The following FOXO1 variants were observed in gnomAD, a reference collection of about 807,000 sequenced individuals.
FOXO1 encodes the protein forkhead box protein O1.
FOXO1 carries 6 observed loss-of-function variants against 44.1 expected under a neutral mutation model. The observed-to-expected ratio is 0.14, with a 90% confidence interval of 0.07 to 0.27. The LOEUF is 0.27. Among genes scored for constraint, FOXO1 ranks in the 10% least tolerant of loss-of-function variants. FOXO1 has a pLI of 1.00. For synonymous variants in FOXO1, 380 were observed against 362.7 expected, an observed-to-expected ratio of 1.05 and a Z score of -0.54; for missense variants, 737 against 888.8, an observed-to-expected ratio of 0.83 and a Z score of 2.17.
chr13:40,639,030 C>A (rs1434232474), intron 1 of FOXO1, among the ~76,000 whole-genome samples: 1 of 152,122 alleles, frequency 6.6e-6, no homozygotes, highest in African/African-American at 2.4e-5. Context: ...CCCGTCTCTA[C>A]TAAAAATACA....
At chr13:40,582,008 A>G (rs926041521) in intron 1 of FOXO1, among the ~76,000 whole-genome samples, 1 of 152,184 alleles carries the variant, frequency 6.6e-6, no homozygotes, top group Non-Finnish European at 1.5e-5. Context: ...TTTATAGCTA[A>G]AACAGAGAGG....
chr13:40,630,789 C>A (rs143108146), intron 1 of FOXO1, among the ~76,000 whole-genome samples: 1 of 152,318 alleles, frequency 6.6e-6, no homozygotes, highest in Admixed American at 6.5e-5. Flanking sequence ...CTCAACACCA[C>A]TCTGTCATTT....
chr13:40,559,954 G>T lies in FOXO1; in HGVS notation c.1537C>A (p.His513Asn), dbSNP rs760979256. The change falls in exon 2 of 3, where the codon CAT becomes AAT. Residue 513 changes from histidine (H) to asparagine (N), a missense_variant. By Grantham distance (68) the His-to-Asn change is moderately conservative (BLOSUM62 1). This residue lies in a region of FOXO1 where 283 missense variants were observed against 278.1 expected (regional missense o/e 1.02). Transcript: ENST00000379561. ...GAGCTGGGATTCATCATTTTGTTAT[G>T]AGATGCCTGGCTGCCATAGGTTGAC... ...VMSTYGSQAS[H>N]NKMMNPSSHT... is the part of the protein sequence containing the mutation. 6.2e-7 allele frequency: 1 copy of T among 1,614,158 alleles called. No individual in the cohort carries two copies.
chr13:40,655,519 G>A (rs899382798), intron 1 of FOXO1, among the ~76,000 whole-genome samples: 5 of 151,970 alleles, frequency 3.3e-5, no homozygotes, highest in East Asian at 1.9e-4. Context: ...AAAACCTCAC[G>A]GTAGTGGGCT....
At chr13:40,571,412 G>A (rs183494181) in intron 1 of FOXO1, among the ~76,000 whole-genome samples, 261 of 152,240 alleles carry the variant, frequency 1.7e-3, no homozygotes, top group African/African-American at 5.8e-3. Context: ...GGCTACCAAG[G>A]ATTTCAAAGT....
At chr13:40,610,333 A>G (rs1876185586) in intron 1 of FOXO1, among the ~76,000 whole-genome samples, 1 of 152,228 alleles carries the variant, frequency 6.6e-6, no homozygotes, top group African/African-American at 2.4e-5. Context: ...ATCTAAAACC[A>G]GCAAGCAATA....
intron 1 of FOXO1, among the ~76,000 whole-genome samples, chr13:40,598,665 T>C (rs943870019): frequency 6.6e-6 from 1 of 152,206 alleles, no homozygotes; most frequent in African/African-American, 2.4e-5. Flanking sequence ...CCCTTCCTAA[T>C]GTCCCATCTC....
chr13:40,563,328 AG>A (rs1874117659), intron 1 of FOXO1, among the ~76,000 whole-genome samples: 1 of 152,174 alleles, frequency 6.6e-6, no homozygotes. Flanking sequence ...GAGAAAATGG[AG>A]GGGTCTCACT....
intron 1 of FOXO1, among the ~76,000 whole-genome samples, chr13:40,584,501 A>AAAAAAAGC (rs1555248680): frequency 2.0e-4 from 24 of 117,248 alleles, no homozygotes; most frequent in Non-Finnish European, 2.9e-4. Flanking sequence ...AAAAAAAAAA[A>AAAAAAAGC]GCCAGATGCA....
In FOXO1 at chr13:40,631,760, G is replaced by T. The variant is rs1174177065; in HGVS notation, c.630+33823C>A. Among the ~76,000 whole-genome samples the T allele has an allele frequency of 2.6e-5, 4 of 152,188 alleles. No homozygotes were observed. In the East Asian group the frequency reaches 7.7e-4, roughly 29 times the overall value. On this transcript the variant is annotated intron_variant, in intron 1 of 2. Transcript: ENST00000379561. ...GAATGGTGGCTGTCAAAAGCCTGAA[G>T]AAGGAGGAAATGCGAAGTTATTGTT... is the stretch of plus-strand genomic sequence containing the variant.
At chr13:40,636,365 G>GCTA (rs1877151676) in intron 1 of FOXO1, among the ~76,000 whole-genome samples, 1 of 152,072 alleles carries the variant, frequency 6.6e-6, no homozygotes, top group Non-Finnish European at 1.5e-5. Context: ...ACCATGAAAG[G>GCTA]CTACTGTAAG....
At chr13:40,577,968 C>A (rs901730176) in intron 1 of FOXO1, among the ~76,000 whole-genome samples, 2 of 152,160 alleles carry the variant, frequency 1.3e-5, no homozygotes, top group African/African-American at 2.4e-5. Context: ...AGAGTTTTAT[C>A]AAGTTCTATT....
At chr13:40,564,315 A>C (rs1209763514) in intron 1 of FOXO1, among the ~76,000 whole-genome samples, 3 of 151,436 alleles carry the variant, frequency 2.0e-5, no homozygotes, top group African/African-American at 7.3e-5. Flanking sequence ...TCTCCTACTT[A>C]TCAAAACATC....
chr13:40,647,283 T>C (rs1488406537), intron 1 of FOXO1, among the ~76,000 whole-genome samples: 3 of 152,222 alleles, frequency 2.0e-5, no homozygotes, highest in Admixed American at 2.0e-4. Flanking sequence ...TAGCTCAGTA[T>C]ACAATATAAG....
chr13:40,560,171 T>G lies in FOXO1; in HGVS notation c.1320A>C (p.Gln440His). The change falls in exon 2 of 3, where the codon CAA becomes CAC. Residue 440 changes from glutamine (Q) to histidine (H), a missense_variant. Gln to His is a conservative substitution (Grantham distance 24). Coordinates refer to ENST00000379561, the MANE Select transcript of FOXO1 (RefSeq NM_002015.4). This position sits in a 1 kb window ranked among gnomAD's most constrained non-coding sequence, Gnocchi z 5.1. ...AACTCGACTTATTGTCCTGAAGTGT[T>G]TGTATAGGCATCTGGGGCAAAGGGC... ...SMSPLPQMPIQTLQDNKSSYG... is the reference protein window; with the variant it reads ...SMSPLPQMPIHTLQDNKSSYG... The G allele has an allele frequency of 6.2e-7, 1 of 1,614,150 alleles. No homozygotes were observed. The highest frequency in any genetic ancestry group is 1.1e-5 in the South Asian group (1 of 91,074).
chr13:40,603,393 G>A (rs915815631), intron 1 of FOXO1, among the ~76,000 whole-genome samples: 2 of 149,476 alleles, frequency 1.3e-5, no homozygotes, highest in African/African-American at 4.9e-5. Flanking sequence ...TAAAGCACAG[G>A]ATTTTAAATA....
At chr13:40,585,343 G>GCGCGCGCACACACA (rs10623475) in intron 1 of FOXO1, among the ~76,000 whole-genome samples, 4 of 147,020 alleles carry the variant, frequency 2.7e-5, no homozygotes, top group African/African-American at 1.0e-4. Flanking sequence ...CTGCGCGCGC[G>GCGCGCGCACACACA]CACACACACA....
At chr13:40,654,487 C>T (rs1593417061) in intron 1 of FOXO1, among the ~76,000 whole-genome samples, 1 of 137,542 alleles carries the variant, frequency 7.3e-6, no homozygotes, top group East Asian at 2.1e-4. Context: ...GGCGACAGAG[C>T]GAGACTCTGT....
intron 1 of FOXO1, among the ~76,000 whole-genome samples, chr13:40,652,508 G>A (rs1360676686): frequency 6.6e-6 from 1 of 152,076 alleles, no homozygotes; most frequent in East Asian, 1.9e-4. Context: ...AAAGTACTGG[G>A]ATTACAGGCG....
Sources: gnomAD v4.1 joint callset for allele counts (sites outside exome capture counted in the v4.1 genomes callset) on GRCh38, gnomAD v4.1.1 for gene constraint, gnomAD v4.1.1 regional missense constraint, Gnocchi (gnomAD v3.1) non-coding constraint, MANE v1.5 for transcripts, NCBI Gene and HGNC (gene_info 2026-07-23, HGNC 2026-07-21) for gene names.